Variants in PMS2 observed in about 807,000 individuals in gnomAD.
PMS2 encodes PMS1 homolog 2, mismatch repair system component.
Under a neutral mutation model 90.0 loss-of-function variants are expected in PMS2, and 69 were observed. The ratio of observed to expected loss-of-function variants is 0.77; its 90% CI spans 0.63 to 0.94. PMS2 has a LOEUF of 0.94. Among genes scored for constraint, PMS2 ranks in the 40% least tolerant of loss-of-function variants. PMS2 has a pLI of 0.00. For synonymous variants in PMS2, 332 were observed against 375.1 expected (o/e 0.89, Z 1.33); for missense variants, 966 against 1,040.2 (o/e 0.93, Z 0.98).
intron 5 of PMS2, among the ~76,000 whole-genome samples, chr7:6,000,115 C>T (rs1348096180): frequency 6.6e-6 from 1 of 152,010 alleles, no homozygotes; most frequent in Non-Finnish European, 1.5e-5. Flanking sequence ...TGGTTCACAC[C>T]TGTAATCCCA....
At chr7:5,999,753 A>C (rs79245786) in intron 5 of PMS2, among the ~76,000 whole-genome samples, 5,128 of 152,074 alleles carry the variant, frequency 0.034, 144 homozygotes, top group South Asian at 0.1. Context: ...CCATGATTGC[A>C]CCACTGCACT....
rs778570550 is a variant in PMS2 at position 5,995,665 on chromosome 7, T to A, written c.804-32A>T. 1 of 1,434,148 alleles carries A rather than the reference T, an allele frequency of 7.0e-7. No individual in the cohort carries two copies. Among genetic ancestry groups the A allele is most frequent in the Non-Finnish European group, 9.8e-7 (1 of 1,015,326 alleles). 88.8% of individuals were successfully genotyped at this position (1,434,148 alleles called of 1,614,324 possible). A position where few individuals can be genotyped will look rare whatever the true frequency, so the allele number is the denominator to read the frequency against. On this transcript the variant is annotated intron_variant, in intron 7 of 14. Coordinates refer to ENST00000265849, the MANE Select transcript of PMS2 (RefSeq NM_000535.7). ...AACATTAATATGGTAAGGGCAGGAT[T>A]CCAGAGTGAAAGGGATTAGAAATAC...
intron 14 of PMS2, among the ~76,000 whole-genome samples, chr7:5,977,351 G>A (rs1421635973): frequency 2.0e-5 from 3 of 147,466 alleles, no homozygotes; most frequent in African/African-American, 7.4e-5. Flanking sequence ...CACCATGCCC[G>A]GCCAAGAATA....
At position 5,986,215 on chromosome 7, in the gene PMS2, G is replaced by A. The variant is rs1339740583; in HGVS notation, c.2006+544C>T. 1.9e-3 allele frequency among the ~76,000 whole-genome samples: 275 copies of A among 147,910 alleles called. 1 individual carries two copies. Among genetic ancestry groups the A allele is most frequent in the African/African-American group, 6.5e-3 (266 of 40,866 alleles). On this transcript the variant is annotated intron_variant, in intron 11 of 14. Transcript: ENST00000265849. ...CAGGATCTGGCCAGGCGCAGATGCCGGAATTACAACTGCGCACTACCGCGC... is the reference window on the plus strand; with the variant it reads ...CAGGATCTGGCCAGGCGCAGATGCCAGAATTACAACTGCGCACTACCGCGC...
intron 5 of PMS2, among the ~76,000 whole-genome samples, chr7:5,999,638 A>G (rs1227431543): frequency 1.3e-5 from 2 of 151,324 alleles, no homozygotes; most frequent in African/African-American, 4.9e-5. Context: ...AAAAAATTTA[A>G]AAAAAAAATT....
At chr7:5,978,557 C>T (rs1346114500) in intron 13 of PMS2, 39 bp downstream of exon 13, 25 of 1,540,724 alleles carry the variant, frequency 1.6e-5, no homozygotes, top group Non-Finnish European at 1.7e-5. Context: ...AGACGTGAGC[C>T]ACCACACCCA....
intron 4 of PMS2, 198 bp downstream of exon 4, chr7:6,003,492 T>C: frequency 1.7e-6 from 1 of 591,164 alleles, no homozygotes; most frequent in East Asian, 2.8e-5. Flanking sequence ...TTTTTAACAA[T>C]ACTATTTGCT....
intron 7 of PMS2, among the ~76,000 whole-genome samples, chr7:5,996,590 A>AT (rs1554301107): frequency 0.012 from 1,287 of 110,062 alleles, 15 homozygotes; most frequent in African/African-American, 0.033. Context: ...AAAAAAAAAA[A>AT]ATATATATAT....
chr7:6,003,296 A>G (rs1785311983), intron 4 of PMS2: 1 of 133,578 alleles, frequency 7.5e-6, no homozygotes, highest in Non-Finnish European at 1.6e-5. Flanking sequence ...TCTGTCTAAA[A>G]AAAAAAAAAG....
chr7:5,999,872 A>G (rs567713296), intron 5 of PMS2, among the ~76,000 whole-genome samples: 10 of 152,312 alleles, frequency 6.6e-5, no homozygotes, highest in African/African-American at 2.2e-4. Context: ...GTATCTTCGT[A>G]TAATAGAAAC....
rs10000 is a variant in PMS2 at position 5,973,522 on chromosome 7, A to G, written c.2466T>C (p.Leu822=). The change falls in exon 15 of 15, where the codon CTT becomes CTC. Residue 822 remains leucine (L), a synonymous_variant. Coordinates refer to ENST00000265849, the MANE Select transcript of PMS2 (RefSeq NM_000535.7). ...CRKSVMIGTA[L]NTSEMKKLIT... is the part of the protein sequence containing the mutation. ...TCAGTTTCTTCATCTCGCTTGTGTT[A>G]AGAGCAGTCCCAATCATCACCTGAG... 0.13 allele frequency: 74,006 copies of G among 588,230 alleles called. 2,606 individuals are homozygous for G. The highest frequency in any genetic ancestry group is 0.15 in the Middle Eastern group (335 of 2,254). 36.4% of individuals were successfully genotyped at this position (588,230 alleles called of 1,614,324 possible).
chr7:5,995,905 C>A (rs74448798), intron 7 of PMS2, among the ~76,000 whole-genome samples: 2 of 152,136 alleles, frequency 1.3e-5, no homozygotes, highest in Non-Finnish European at 2.9e-5. Flanking sequence ...GCTCTCCTTA[C>A]CCTTCCTGAT....
At position 5,989,912 on chromosome 7, in the gene PMS2, C is replaced by G. The variant is rs1554298791; in HGVS notation, c.1032G>C (p.Leu344Phe). 6.2e-7 allele frequency: 1 copy of G among 1,611,788 alleles called. No homozygotes were observed. The highest frequency in any genetic ancestry group is 8.5e-7 in the Non-Finnish European group (1 of 1,178,382). The change falls in exon 10 of 15, where the codon TTG becomes TTC. Residue 344 changes from leucine to phenylalanine, a missense_variant. Leu to Phe is a conservative substitution (Grantham distance 22, BLOSUM62 0). Coordinates refer to ENST00000265849, the MANE Select transcript of PMS2 (RefSeq NM_000535.7). The stretch of plus-strand genomic sequence containing the variant: ...CCAACAAAAGCTTTTCCTCTTGTAG[C>G]AAAATTTGCCTTTTATCTGGAGTAA... The part of the protein sequence containing the change: ...INVTPDKRQI[L>F]LQEEKLLLAV...
intron 12 of PMS2, among the ~76,000 whole-genome samples, chr7:5,982,424 G>A (rs1345374626): frequency 3.3e-5 from 5 of 152,084 alleles, no homozygotes; most frequent in African/African-American, 7.2e-5. Flanking sequence ...GGCTGGTCTC[G>A]AACTCCCGAC....
chr7:6,004,499 T>G, intron 2 of PMS2: 1 of 168,572 alleles, frequency 5.9e-6, no homozygotes, highest in Admixed American at 5.8e-5. Context: ...GCAGATCACC[T>G]GAGGTCAGGA....
rs763278245 is a variant in PMS2, at chr7:5,986,842, C to A, written c.1923G>T (p.Gly641=). Residue 641 remains glycine, a synonymous_variant, in exon 11 of 15, where the codon GGG becomes GGT. Coordinates refer to ENST00000265849, the MANE Select transcript of PMS2 (RefSeq NM_000535.7). Reference sequence around the variant, plus strand: ...CCCTAAACTTCCTGTAATTCTGTTCCCCTTCACTTTGCTGTGCTTCATGAT... The same window carrying A: ...CCCTAAACTTCCTGTAATTCTGTTCACCTTCACTTTGCTGTGCTTCATGAT... ...QLHHEAQQSE[G]EQNYRKFRAK... The A allele has an allele frequency of 6.2e-7, 1 of 1,613,710 alleles. No individual in the cohort carries two copies. Among genetic ancestry groups the A allele is most frequent in the East Asian group, 2.2e-5 (1 of 44,876 alleles).
intron 11 of PMS2, among the ~76,000 whole-genome samples, chr7:5,984,983 A>C (rs1287084776): frequency 6.6e-6 from 1 of 151,868 alleles, no homozygotes; most frequent in African/African-American, 2.4e-5. Context: ...CTCAAATCCA[A>C]GTCATAACCA....
intron 11 of PMS2, among the ~76,000 whole-genome samples, chr7:5,984,614 A>G (rs1343969073): frequency 2.6e-5 from 4 of 151,506 alleles, no homozygotes. Context: ...GTGAAACCCC[A>G]TCTCTACTAA....
At chr7:5,999,448 C>T (rs558104560) in intron 5 of PMS2, among the ~76,000 whole-genome samples, 173 bp from the exon 6 acceptor site, 13 of 152,228 alleles carry the variant, frequency 8.5e-5, no homozygotes, top group South Asian at 2.1e-4. Flanking sequence ...CAGAAAGGAA[C>T]GCAGAGCTTT....
Sources: gnomAD v4.1 joint callset for allele counts (sites outside exome capture counted in the v4.1 genomes callset) on GRCh38, gnomAD v4.1.1 for gene constraint, MANE v1.5 for transcripts, NCBI Gene and HGNC (gene_info 2026-07-23, HGNC 2026-07-21) for gene names.